The following AFDN variants were observed in gnomAD, a reference collection of about 807,000 sequenced individuals.
AFDN encodes afadin, adherens junction formation factor.
In AFDN, 68 loss-of-function variants were observed where a neutral mutation model predicts 216.6. The observed-to-expected ratio is 0.31, with a 90% CI of 0.26 to 0.38. The LOEUF is 0.38. AFDN is among the 10% of genes least tolerant of loss of function. AFDN has a pLI of 1.00. For synonymous variants in AFDN, 868 were observed against 853.7 expected, an observed-to-expected ratio of 1.02 and a Z score of -0.29; for missense variants, 2,136 against 2,342.0, an observed-to-expected ratio of 0.91 and a Z score of 1.82.
At chr6:167,869,023 A>G (rs1478666414) in intron 2 of AFDN, among the ~76,000 whole-genome samples, 6 of 150,548 alleles carry the variant, frequency 4.0e-5, no homozygotes, top group Admixed American at 4.0e-4. Context: ...CGATCTATCC[A>G]CCTTGGCCTC....
At chr6:167,901,448 G>A (rs1455451687) in intron 11 of AFDN, among the ~76,000 whole-genome samples, 3 of 152,022 alleles carry the variant, frequency 2.0e-5, no homozygotes, top group African/African-American at 7.2e-5. Flanking sequence ...TATGAGTTAG[G>A]TTTTCAAAGT....
chr6:167,832,494 A>G (rs2128087018), intron 1 of AFDN, among the ~76,000 whole-genome samples: 1 of 152,358 alleles, frequency 6.6e-6, no homozygotes, highest in Non-Finnish European at 1.5e-5. Context: ...CCATAAGAAC[A>G]TAAAATTCAC....
At chr6:167,876,558 A>G (rs1421181550) in intron 5 of AFDN, among the ~76,000 whole-genome samples, 2 of 152,226 alleles carry the variant, frequency 1.3e-5, no homozygotes, top group East Asian at 3.9e-4. Context: ...ACCTGAAGGC[A>G]CTTTGTATGC....
At chr6:167,876,272 A>G (rs1785369418) in intron 5 of AFDN, among the ~76,000 whole-genome samples, 1 of 152,180 alleles carries the variant, frequency 6.6e-6, no homozygotes, top group Non-Finnish European at 1.5e-5. Context: ...ATTTCACAGG[A>G]CTTGTAGTGC....
At chr6:167,834,040 T>C (rs1191803113) in intron 1 of AFDN, among the ~76,000 whole-genome samples, 1 of 152,174 alleles carries the variant, frequency 6.6e-6, no homozygotes, top group East Asian at 1.9e-4. Context: ...TAATGAGTTA[T>C]TAGGTTACAT....
chr6:167,893,783 CCTATTCCG>C lies in AFDN; in HGVS notation c.1178-77_1178-70del, dbSNP rs1787899630. On this transcript the variant is annotated intron_variant, in intron 8 of 33. Transcript: ENST00000683244. ...CCCTCTGCGTCTCTTCTCCTCCTTC[CCTATTCCG>C]CGTGTTCTGCATGGTCTCTCTCCTG... 2.7e-6 allele frequency: 3 copies of C among 1,091,574 alleles called. No individual in the cohort carries two copies. The Admixed American group carries it at 6.0e-5, about 22-fold the overall frequency. 67.6% of individuals were successfully genotyped at this position (1,091,574 alleles called of 1,614,324 possible). A position where few individuals can be genotyped will look rare whatever the true frequency, so the allele number is the denominator to read the frequency against.
At position 167,875,508 on chromosome 6, in the gene AFDN, AT is replaced by A. The variant is rs1562592049; in HGVS notation, c.739+19del. On this transcript the variant is annotated intron_variant, in intron 5 of 33. Transcript: ENST00000683244. ...CGGCCTGATTCAGGTACAACTTGGT[AT>A]TTTTTCTCTGTTCTACCTGTTACAA... 4 of 1,612,540 alleles carry A rather than the reference AT, an allele frequency of 2.5e-6. No homozygotes were observed. Among genetic ancestry groups the A allele is most frequent in the Non-Finnish European group, 3.4e-6 (4 of 1,179,282 alleles).
intron 11 of AFDN, among the ~76,000 whole-genome samples, chr6:167,901,112 C>T (rs1788891635): frequency 6.6e-6 from 1 of 152,134 alleles, no homozygotes; most frequent in Admixed American, 6.5e-5. Flanking sequence ...TACATTACTT[C>T]CTTGTTTCTT....
intron 32 of AFDN, among the ~76,000 whole-genome samples, chr6:167,966,449 C>T (rs1797572298): frequency 6.6e-6 from 1 of 152,196 alleles, no homozygotes; most frequent in Non-Finnish European, 1.5e-5. Context: ...TTGTGATGTT[C>T]TGTGCTAATA....
chr6:167,842,391 CAATTAAAAAATGCCCCAT>C (rs1161698839), intron 1 of AFDN, among the ~76,000 whole-genome samples: 1 of 152,078 alleles, frequency 6.6e-6, no homozygotes, highest in Admixed American at 6.6e-5. Context: ...CTCATTCTCT[CAATTAAAAAATGCCCCAT>C]AATTAACTAT....
In AFDN at chr6:167,964,784, A is replaced by G. The variant is rs80277960; in HGVS notation, c.4969-973A>G. 1,119 of 1,066,182 alleles carry G rather than the reference A, an allele frequency of 1.0e-3. 6 individuals carry two copies. The African/African-American group carries it at 0.017, about 16-fold the overall frequency. The allele number at this position is 1,066,182 out of a possible 1,614,324, so 66.0% of individuals were successfully genotyped here. A position where few individuals can be genotyped will look rare whatever the true frequency, so the allele number is the denominator to read the frequency against. ...CTTTGGTTGAACAAATTTACAATTC[A>G]TTGTACTTCATTTCACAGCATTAAA... On this transcript the variant is annotated intron_variant, in intron 31 of 33. Transcript: ENST00000683244.
intron 23 of AFDN, among the ~76,000 whole-genome samples, chr6:167,942,362 G>C (rs1473803081): frequency 6.6e-6 from 1 of 152,180 alleles, no homozygotes; most frequent in African/African-American, 2.4e-5. Context: ...TTCAATCGTT[G>C]TGACCTAAGG....
upstream of AFDN, chr6:167,826,616 C>T: frequency 1.9e-6 from 1 of 516,508 alleles, no homozygotes; most frequent in Non-Finnish European, 3.9e-6. Context: ...GGACCCAGCA[C>T]TGCCCATTTA....
chr6:167,833,673 A>G (rs1277736298), intron 1 of AFDN, among the ~76,000 whole-genome samples: 1 of 152,072 alleles, frequency 6.6e-6, no homozygotes, highest in East Asian at 1.9e-4. Context: ...TTCACTGTTA[A>G]CCAGCTTTTG....
intron 31 of AFDN, chr6:167,963,722 A>G (rs1203016888): frequency 1.9e-6 from 2 of 1,061,592 alleles, no homozygotes; most frequent in Non-Finnish European, 1.1e-6. Flanking sequence ...AAGTCCTCTC[A>G]AAGAGTTTGA....
rs1424340720 is a variant in AFDN at position 167,875,328 on chromosome 6, C to T, written c.579-7C>T. 7.6e-6 allele frequency: 12 copies of T among 1,588,346 alleles called. No individual in the cohort carries two copies. In the Admixed American group the frequency reaches 7.6e-5, roughly 10 times the overall value. On this transcript the variant is annotated splice_region_variant and splice_polypyrimidine_tract_variant and intron_variant, in intron 4 of 33. Coordinates refer to ENST00000683244, the MANE Select transcript of AFDN (RefSeq NM_001386888.1). ...TAAAATATTTTTGGTATTTTTTTTTCTTACAGTGAAAATTCTCGACTGGCT... is the reference window on the plus strand; with the variant it reads ...TAAAATATTTTTGGTATTTTTTTTTTTTACAGTGAAAATTCTCGACTGGCT...
chr6:167,912,251 A>G (rs1790493666), intron 15 of AFDN: 1 of 152,238 alleles, frequency 6.6e-6, no homozygotes, highest in South Asian at 2.1e-4. Context: ...TGATTTGAAG[A>G]TTTAATCTTT....
At chr6:167,831,518 A>G (rs1342284852) in intron 1 of AFDN, among the ~76,000 whole-genome samples, 1 of 152,236 alleles carries the variant, frequency 6.6e-6, no homozygotes, top group Non-Finnish European at 1.5e-5. Flanking sequence ...TTGAAACTAC[A>G]TCTAGGCTAG....
At chr6:167,923,115 C>CAT (rs1282950220) in intron 22 of AFDN, 156 bp downstream of exon 22, 2 of 559,172 alleles carry the variant, frequency 3.6e-6, no homozygotes, top group Non-Finnish European at 6.2e-6. Context: ...AGCCATAATT[C>CAT]ATATATATGT....
Sources: allele counts gnomAD v4.1 joint callset (sites outside exome capture counted in the v4.1 genomes callset), GRCh38; gene constraint gnomAD v4.1.1; transcripts MANE v1.5; gene names NCBI Gene and HGNC (gene_info 2026-07-23, HGNC 2026-07-21).